ERICH6B: variants seen among roughly 807,000 people sequenced by gnomAD.
ERICH6B encodes glutamate-rich protein 6B.
In ERICH6B, 69 loss-of-function variants were observed where a neutral mutation model predicts 80.0. That is an observed-to-expected ratio of 0.86 (90% CI 0.71 to 1.05). The LOEUF (loss-of-function observed/expected upper bound fraction) is 1.05. Ranked by LOEUF, ERICH6B falls within the 50% of genes least tolerant of loss-of-function variation. The probability of loss-of-function intolerance (pLI) is 0.00; values close to 1 mark genes in which losing one functional copy is unlikely to be tolerated. For missense variants in ERICH6B, 754 were observed against 796.1 expected (o/e 0.95, Z 0.64); for synonymous variants, 283 against 291.9 (o/e 0.97, Z 0.31).
At chr13:45,545,054 C>A (rs967100211) in intron 13 of ERICH6B, 69 bp from the exon 14 acceptor site, 26 of 1,255,510 alleles carry the variant, frequency 2.1e-5, no homozygotes, top group Non-Finnish European at 2.5e-5. Context: ...TCCTCTTCTC[C>A]TTCCCTTTCT....
chr13:45,596,159 A>G (rs1876358955), intron 3 of ERICH6B, among the ~76,000 whole-genome samples: 4 of 152,150 alleles, frequency 2.6e-5, no homozygotes, highest in Admixed American at 2.6e-4. Flanking sequence ...CCTCCCTGTC[A>G]GCACCATGGA....
intron 1 of ERICH6B, among the ~76,000 whole-genome samples, chr13:45,612,238 C>A (rs530220084): frequency 6.6e-6 from 1 of 152,294 alleles, no homozygotes; most frequent in East Asian, 1.9e-4. Flanking sequence ...TTTCTTCTTT[C>A]CCTCTTTCCT....
chr13:45,586,359 A>G (rs1875901670), intron 5 of ERICH6B, among the ~76,000 whole-genome samples: 2 of 152,210 alleles, frequency 1.3e-5, no homozygotes, highest in Non-Finnish European at 2.9e-5. Context: ...ATGTGAAATA[A>G]ATCTGTGAAT....
chr13:45,605,435 C>T (rs540967358), intron 2 of ERICH6B, among the ~76,000 whole-genome samples: 1 of 152,302 alleles, frequency 6.6e-6, no homozygotes, highest in East Asian at 1.9e-4. Context: ...AAAGTGCTTT[C>T]GTGGGCCCTG....
At position 45,610,285 on chromosome 13, in the gene ERICH6B, T is replaced by TA. The variant is rs577292663; in HGVS notation, c.-110-2671dup. On this transcript the variant is annotated intron_variant, in intron 1 of 14. Coordinates refer to ENST00000298738, the MANE Select transcript of ERICH6B (RefSeq NM_182542.3). Reference sequence around the variant, plus strand: ...ACTCCTGTGGCCCACTCAAAAGAATTAAGTAACTCAACAAGCAGGAGAACC... The same window carrying TA: ...ACTCCTGTGGCCCACTCAAAAGAATTAAAGTAACTCAACAAGCAGGAGAACC... Among the ~76,000 whole-genome samples, 82 of 152,024 alleles carry TA rather than the reference T, an allele frequency of 5.4e-4. No homozygotes were observed. In the East Asian group the frequency reaches 0.011, roughly 20 times the overall value.
chr13:45,587,034 C>A (rs1351619544), intron 5 of ERICH6B, 29 bp downstream of exon 5: 23 of 1,545,588 alleles, frequency 1.5e-5, no homozygotes, highest in Non-Finnish European at 2.0e-5. Flanking sequence ...CCCGGCTGCG[C>A]CTCACCGACA....
intron 11 of ERICH6B, among the ~76,000 whole-genome samples, chr13:45,557,888 T>C (rs1322203744): frequency 1.3e-5 from 2 of 152,224 alleles, no homozygotes; most frequent in Non-Finnish European, 2.9e-5. Context: ...TTGTTCTTTT[T>C]GCTTAGTCTT....
At chr13:45,576,216 C>A (rs1241264983) in intron 7 of ERICH6B, among the ~76,000 whole-genome samples, 2 of 152,204 alleles carry the variant, frequency 1.3e-5, no homozygotes, top group Admixed American at 6.5e-5. Context: ...TGTCCTGGGG[C>A]CTCTCTACTT....
chr13:45,548,006 G>C (rs1489930799), intron 13 of ERICH6B, among the ~76,000 whole-genome samples: 1 of 152,162 alleles, frequency 6.6e-6, no homozygotes, highest in African/African-American at 2.4e-5. Flanking sequence ...AAAAGATCCT[G>C]AACTGTTGAA....
At position 45,612,027 on chromosome 13, in the gene ERICH6B, A is replaced by C. The variant is rs78757150; in HGVS notation, c.-111+3658T>G. 5.0e-3 allele frequency among the ~76,000 whole-genome samples: 763 copies of C among 152,206 alleles called. 7 individuals are homozygous for C. The highest frequency in any genetic ancestry group is 0.017 in the African/African-American group (716 of 41,532). On this transcript the variant is annotated intron_variant, in intron 1 of 14. Transcript: ENST00000298738. ...TTTATCTGTTTTTTCTTCTGTGCTA[A>C]ACTTCTACTTATTTTTTGAACCAGA...
At chr13:45,559,638 A>G (rs1874584572) in intron 11 of ERICH6B, among the ~76,000 whole-genome samples, 1 of 152,044 alleles carries the variant, frequency 6.6e-6, no homozygotes, top group Non-Finnish European at 1.5e-5. Flanking sequence ...TTCCATCATG[A>G]TTTCATTGTT....
intron 8 of ERICH6B, among the ~76,000 whole-genome samples, chr13:45,569,888 TCCTG>T (rs1875079548): frequency 1.3e-5 from 2 of 152,320 alleles, no homozygotes; most frequent in South Asian, 4.1e-4. Context: ...CTGCCCATAT[TCCTG>T]CCTCTAAATT....
intron 3 of ERICH6B, among the ~76,000 whole-genome samples, chr13:45,595,282 T>C (rs766699914): frequency 1.3e-5 from 2 of 152,096 alleles, no homozygotes; most frequent in Admixed American, 6.5e-5. Context: ...TAATAGGAGA[T>C]TGATTAAAAA....
intron 4 of ERICH6B, among the ~76,000 whole-genome samples, chr13:45,588,897 G>C (rs963447435): frequency 2.6e-5 from 4 of 152,158 alleles, no homozygotes; most frequent in African/African-American, 9.7e-5. Flanking sequence ...TGGATGCTGG[G>C]GAGTTGGACC....
At chr13:45,601,887 T>C (rs1949829635) in intron 2 of ERICH6B, among the ~76,000 whole-genome samples, 1 of 152,208 alleles carries the variant, frequency 6.6e-6, no homozygotes. Flanking sequence ...CAACAGGACC[T>C]ATCTCCTGGA....
chr13:45,570,919 C>T (rs1875134323), intron 8 of ERICH6B, among the ~76,000 whole-genome samples: 1 of 151,998 alleles, frequency 6.6e-6, no homozygotes, highest in Admixed American at 6.5e-5. Flanking sequence ...TGCCGTGTGG[C>T]ATTCACTCCA....
chr13:45,542,211 G>C (rs981902451), intron 14 of ERICH6B, among the ~76,000 whole-genome samples: 1 of 152,204 alleles, frequency 6.6e-6, no homozygotes, highest in African/African-American at 2.4e-5. Context: ...CTCCTGGAGG[G>C]GATAAGATAG....
intron 7 of ERICH6B, among the ~76,000 whole-genome samples, chr13:45,579,221 G>A (rs1875553603): frequency 6.6e-6 from 1 of 152,180 alleles, no homozygotes; most frequent in African/African-American, 2.4e-5. Flanking sequence ...CGGTGCGATG[G>A]GTTGGGTGGG....
intron 7 of ERICH6B, among the ~76,000 whole-genome samples, chr13:45,575,744 T>C (rs749548383): frequency 5.9e-4 from 90 of 152,154 alleles, no homozygotes; most frequent in Non-Finnish European, 1.0e-3. Flanking sequence ...AACGGTCAGC[T>C]GCAGGCTGGT....
Sources: allele counts gnomAD v4.1 joint callset (sites outside exome capture counted in the v4.1 genomes callset), GRCh38; gene constraint gnomAD v4.1.1; transcripts MANE v1.5; gene names NCBI Gene and HGNC (gene_info 2026-07-23, HGNC 2026-07-21).